Variants in DNM3 observed in about 807,000 individuals in gnomAD.
The protein encoded by DNM3 is dynamin 3.
A neutral mutation model predicts 101.6 loss-of-function variants in DNM3; 47 were observed. The ratio of observed to expected loss-of-function variants is 0.46; its 90% confidence interval spans 0.37 to 0.59. The LOEUF (loss-of-function observed/expected upper bound fraction) is 0.59, where lower values mean the gene tolerates loss of function less well. Ranked by LOEUF, DNM3 falls within the 20% of genes least tolerant of loss-of-function variation. DNM3 has a pLI of 0.00. For missense variants in DNM3, 849 were observed against 1,085.7 expected (o/e 0.78, Z 3.06); for synonymous variants, 385 against 387.9 (o/e 0.99, Z 0.09).
Position 172,141,341 on chromosome 1 carries a change from G to T in DNM3, c.1659+10053G>T, listed in dbSNP as rs531986813. Among the ~76,000 whole-genome samples, 333 of 152,164 alleles carry T rather than the reference G, an allele frequency of 2.2e-3. 1 individual carries two copies. Among genetic ancestry groups the T allele is most frequent in the Non-Finnish European group, 2.9e-3 (198 of 67,956 alleles). ...TTAACTCAGGAATTTCCTGTCTCAG[G>T]TTAAAGCCTGACCTTCTAGTTATTT... On this transcript the variant is annotated intron_variant, in intron 14 of 20. Transcript: ENST00000627582.
chr1:171,935,061 G>C (rs1218801726), intron 2 of DNM3, among the ~76,000 whole-genome samples: 1 of 151,922 alleles, frequency 6.6e-6, no homozygotes, highest in African/African-American at 2.4e-5. Flanking sequence ...TGCTAATATT[G>C]CATTTTTAAA....
chr1:172,039,314 A>G (rs897309660), intron 7 of DNM3, among the ~76,000 whole-genome samples: 4 of 152,112 alleles, frequency 2.6e-5, no homozygotes, highest in African/African-American at 9.7e-5. Context: ...CAGCGTGGCA[A>G]TCAAAGCATC....
At chr1:172,088,772 GTCCCTGAACATTCAGAGAAATTAC>G (rs2053707575) in intron 12 of DNM3, among the ~76,000 whole-genome samples, 3 of 152,074 alleles carry the variant, frequency 2.0e-5, no homozygotes, top group African/African-American at 7.2e-5. Flanking sequence ...TATATTTCTT[GTCCCTGAACATTCAGAGAAATTAC>G]AATGGTATAG....
chr1:172,036,764 G>A (rs1033066086), intron 6 of DNM3, among the ~76,000 whole-genome samples: 5 of 151,578 alleles, frequency 3.3e-5, no homozygotes, highest in African/African-American at 1.2e-4. Flanking sequence ...AACACCAAAA[G>A]CAATGGCAAC....
chr1:172,349,329 T>A (rs1172480568), intron 17 of DNM3, among the ~76,000 whole-genome samples: 2 of 152,178 alleles, frequency 1.3e-5, no homozygotes, highest in Non-Finnish European at 2.9e-5. Context: ...TCGAAATGAT[T>A]AGCTGAGAAA....
chr1:172,236,977 C>T (rs1272456332), intron 14 of DNM3, among the ~76,000 whole-genome samples: 5 of 152,052 alleles, frequency 3.3e-5, no homozygotes, highest in Admixed American at 6.6e-5. Context: ...TATTAAGGGC[C>T]GAACATTATT....
At chr1:171,974,815 C>G (rs1358428420) in intron 2 of DNM3, among the ~76,000 whole-genome samples, 3 of 146,304 alleles carry the variant, frequency 2.1e-5, no homozygotes, top group African/African-American at 7.3e-5. Context: ...CTAAGGACAA[C>G]CTTTGGTTCT....
intron 15 of DNM3, among the ~76,000 whole-genome samples, chr1:172,302,750 A>G (rs2064531951): frequency 6.6e-6 from 1 of 152,064 alleles, no homozygotes; most frequent in Non-Finnish European, 1.5e-5. Flanking sequence ...TCTGGAGTGG[A>G]CCTCCAGCAA....
intron 2 of DNM3, among the ~76,000 whole-genome samples, chr1:171,923,923 G>T (rs1310547389): frequency 2.6e-5 from 4 of 152,154 alleles, no homozygotes; most frequent in African/African-American, 9.7e-5. Context: ...TTGTAAGTGT[G>T]AATGTGTGGT....
At chr1:171,988,708 T>C (rs1012314506) in intron 3 of DNM3, among the ~76,000 whole-genome samples, 4 of 152,198 alleles carry the variant, frequency 2.6e-5, no homozygotes, top group Non-Finnish European at 4.4e-5. Context: ...CTGTTAGGCA[T>C]GCAAATCAGT....
chr1:172,332,641 C>A (rs2066239953), intron 17 of DNM3, among the ~76,000 whole-genome samples: 1 of 152,162 alleles, frequency 6.6e-6, no homozygotes. Flanking sequence ...ATTCTCACTG[C>A]AGGACCCAGG....
chr1:172,243,118 C>A (rs1227428352), intron 14 of DNM3, among the ~76,000 whole-genome samples: 1 of 151,960 alleles, frequency 6.6e-6, no homozygotes, highest in Non-Finnish European at 1.5e-5. Flanking sequence ...GTCATAAGTC[C>A]TTTAAATTTA....
At chr1:171,866,695 A>C (rs1269644964) in intron 1 of DNM3, among the ~76,000 whole-genome samples, 1 of 152,010 alleles carries the variant, frequency 6.6e-6, no homozygotes, top group Non-Finnish European at 1.5e-5. Context: ...CTTTTTTTTA[A>C]ATAACACTGA....
At chr1:172,366,840 A>C (rs1294487886) in intron 17 of DNM3, among the ~76,000 whole-genome samples, 1 of 151,886 alleles carries the variant, frequency 6.6e-6, no homozygotes, top group African/African-American at 2.4e-5. Flanking sequence ...AAAAAGAAAA[A>C]TAAAAAAGAA....
At chr1:172,307,894 A>T (rs1489046082) in intron 15 of DNM3, among the ~76,000 whole-genome samples, 1 of 152,102 alleles carries the variant, frequency 6.6e-6, no homozygotes, top group Non-Finnish European at 1.5e-5. Flanking sequence ...TGGGGGAGGG[A>T]TAGCATGAGG....
chr1:172,339,279 C>T (rs1488687544), intron 17 of DNM3, among the ~76,000 whole-genome samples: 1 of 152,170 alleles, frequency 6.6e-6, no homozygotes, highest in Non-Finnish European at 1.5e-5. Flanking sequence ...AAATGCTGTT[C>T]TTGAAAATTT....
At chr1:172,394,022 T>TAAG (rs2069754626) in intron 20 of DNM3, 1 of 152,238 alleles carries the variant, frequency 6.6e-6, no homozygotes, top group Non-Finnish European at 1.5e-5. Flanking sequence ...CAATTTAATA[T>TAAG]AAGTCCCTCA....
intron 15 of DNM3, among the ~76,000 whole-genome samples, chr1:172,257,355 C>CTT (rs1490161146): frequency 6.6e-6 from 1 of 151,984 alleles, no homozygotes; most frequent in Non-Finnish European, 1.5e-5. Flanking sequence ...ATCACATGAG[C>CTT]ATTAAAAAGG....
chr1:171,877,421 G>C (rs994049269), intron 1 of DNM3, among the ~76,000 whole-genome samples: 3 of 152,134 alleles, frequency 2.0e-5, no homozygotes, highest in African/African-American at 7.2e-5. Flanking sequence ...CTTATCTAAG[G>C]TGAATACTTC....
Sources: allele counts gnomAD v4.1 joint callset (sites outside exome capture counted in the v4.1 genomes callset), GRCh38; gene constraint gnomAD v4.1.1; transcripts MANE v1.5; gene names NCBI Gene and HGNC (gene_info 2026-07-23, HGNC 2026-07-21).